NRG1: variants seen among roughly 807,000 people sequenced by gnomAD.
NRG1 encodes the protein pro-neuregulin-1, membrane-bound isoform.
NRG1 carries 18 observed loss-of-function variants against 63.8 expected under a neutral mutation model. The ratio of observed to expected loss-of-function variants is 0.28; its 90% CI spans 0.19 to 0.42. NRG1 has a LOEUF of 0.42. Among genes scored for constraint, NRG1 ranks in the 10% least tolerant of loss-of-function variants. The pLI, the probability that NRG1 is intolerant of heterozygous loss-of-function variation, is 1.00. For missense variants in NRG1, 762 were observed against 814.7 expected, an observed-to-expected ratio of 0.94 and a Z score of 0.79; for synonymous variants, 302 against 301.3, an observed-to-expected ratio of 1.00 and a Z score of -0.02.
chr8:32,551,539 G>T (rs939215254), intron 1 of NRG1, among the ~76,000 whole-genome samples: 1 of 152,158 alleles, frequency 6.6e-6, no homozygotes, highest in African/African-American at 2.4e-5. Context: ...GGGGGAAAAG[G>T]CTTCTTTAAC....
chr8:32,209,831 TC>T (rs1217097152), intron 1 of NRG1, among the ~76,000 whole-genome samples: 1 of 151,632 alleles, frequency 6.6e-6, no homozygotes. Flanking sequence ...GGCTCAGTGA[TC>T]AGTTTTGATG....
At chr8:32,297,597 G>T (rs1042680665) in intron 1 of NRG1, among the ~76,000 whole-genome samples, 2 of 152,186 alleles carry the variant, frequency 1.3e-5, no homozygotes, top group Non-Finnish European at 2.9e-5. Context: ...TCAGGAAGAA[G>T]TCCTTGCCCA....
intron 1 of NRG1, among the ~76,000 whole-genome samples, chr8:31,991,666 C>T (rs78131431): frequency 0.011 from 1,617 of 152,118 alleles, 30 homozygotes; most frequent in African/African-American, 0.037. Context: ...ACTCTTCCCT[C>T]TGCCATATCC....
chr8:32,434,678 T>G (rs941320574), intron 1 of NRG1, among the ~76,000 whole-genome samples: 1 of 152,062 alleles, frequency 6.6e-6, no homozygotes, highest in African/African-American at 2.4e-5. Context: ...ATTACTTAAT[T>G]TGACAAGATA....
At chr8:32,609,613 TCCTTCCTTTCCC>T (rs1306800491) in intron 3 of NRG1, among the ~76,000 whole-genome samples, 4 of 115,546 alleles carry the variant, frequency 3.5e-5, no homozygotes, top group Non-Finnish European at 6.9e-5. Context: ...CTTCCTTCCT[TCCTTCCTTTCCC>T]TCCCTCCCTC....
chr8:32,123,063 T>G (rs1833673325), intron 1 of NRG1, among the ~76,000 whole-genome samples: 1 of 152,090 alleles, frequency 6.6e-6, no homozygotes, highest in South Asian at 2.1e-4. Context: ...CAATGCTGTT[T>G]ATGGTATTGA....
intron 1 of NRG1, among the ~76,000 whole-genome samples, chr8:32,077,544 T>A (rs1169056571): frequency 6.6e-6 from 1 of 152,246 alleles, no homozygotes; most frequent in African/African-American, 2.4e-5. Flanking sequence ...AAGGTTCTTC[T>A]TTTGTGCGTT....
chr8:31,669,935 G>A (rs564253464), intron 1 of NRG1, among the ~76,000 whole-genome samples: 1 of 152,292 alleles, frequency 6.6e-6, no homozygotes, highest in South Asian at 2.1e-4. Flanking sequence ...AGAATTTTCA[G>A]ATGGTGGAGT....
intron 1 of NRG1, among the ~76,000 whole-genome samples, chr8:31,782,108 C>T (rs1397089660): frequency 6.6e-6 from 1 of 152,116 alleles, no homozygotes; most frequent in African/African-American, 2.4e-5. Flanking sequence ...CTTAAATGAT[C>T]ACTCTCATCC....
intron 1 of NRG1, among the ~76,000 whole-genome samples, chr8:32,014,197 T>C (rs1586478167): frequency 2.0e-5 from 3 of 152,146 alleles, no homozygotes. Flanking sequence ...ATGGGATGTT[T>C]TTCCATTTGT....
chr8:32,162,239 A>T (rs575305136), intron 1 of NRG1, among the ~76,000 whole-genome samples: 9 of 152,238 alleles, frequency 5.9e-5, no homozygotes, highest in Non-Finnish European at 1.2e-4. Flanking sequence ...ATTTGATCTC[A>T]GAAAGAATTT....
chr8:31,876,374 T>G (rs890359190), intron 1 of NRG1, among the ~76,000 whole-genome samples: 6 of 152,174 alleles, frequency 3.9e-5, no homozygotes, highest in Admixed American at 2.6e-4. Flanking sequence ...CTGTTTGAGG[T>G]TGGAAAATCC....
chr8:32,309,977 G>T (rs529238805), intron 1 of NRG1, among the ~76,000 whole-genome samples: 1 of 152,186 alleles, frequency 6.6e-6, no homozygotes, highest in Admixed American at 6.5e-5. Context: ...AAATATTTTC[G>T]CCTAGATTTT....
At chr8:32,431,316 G>T (rs935169260) in intron 1 of NRG1, among the ~76,000 whole-genome samples, 1 of 152,116 alleles carries the variant, frequency 6.6e-6, no homozygotes, top group Admixed American at 6.6e-5. Flanking sequence ...CTAGCAAATA[G>T]GTATCAGAGC....
chr8:31,831,938 C>A (rs552236038), intron 1 of NRG1, among the ~76,000 whole-genome samples: 1 of 152,196 alleles, frequency 6.6e-6, no homozygotes, highest in East Asian at 1.9e-4. Flanking sequence ...ATGACAATGA[C>A]CATATTTTAA....
At chr8:32,087,892 G>A (rs368956902) in intron 1 of NRG1, among the ~76,000 whole-genome samples, 1 of 152,080 alleles carries the variant, frequency 6.6e-6, no homozygotes, top group Non-Finnish European at 1.5e-5. Flanking sequence ...CCACATTGTC[G>A]CATATAATGA....
intron 1 of NRG1, among the ~76,000 whole-genome samples, chr8:32,160,852 C>T (rs1019718749): frequency 4.6e-5 from 7 of 152,142 alleles, no homozygotes; most frequent in African/African-American, 1.7e-4. Context: ...AGAGATGAAT[C>T]CTTATTTTTC....
chr8:32,645,245 GA>G (rs1341403055), intron 5 of NRG1, among the ~76,000 whole-genome samples: 1 of 152,114 alleles, frequency 6.6e-6, no homozygotes, highest in African/African-American at 2.4e-5. Flanking sequence ...TCCTTTGCTA[GA>G]ATCTTTGTAA....
exon 1 of NRG1, chr8:32,548,368 C>T (rs951193470): frequency 1.2e-4 from 128 of 1,027,348 alleles, no homozygotes; most frequent in Non-Finnish European, 1.4e-4. Flanking sequence ...CGGCGGCTGC[C>T]GGACGATGGG....
Sources: allele counts gnomAD v4.1 joint callset (sites outside exome capture counted in the v4.1 genomes callset), GRCh38; gene constraint gnomAD v4.1.1; transcripts MANE v1.5; gene names NCBI Gene and HGNC (gene_info 2026-07-23, HGNC 2026-07-21).